The following ITGB7 variants were observed in gnomAD, a reference collection of about 807,000 sequenced individuals.
ITGB7 encodes integrin beta-7.
A neutral mutation model predicts 83.4 loss-of-function variants in ITGB7; 55 were observed. That is an observed-to-expected ratio of 0.66 (90% CI 0.53 to 0.83). ITGB7 has a LOEUF of 0.83. Ranked by LOEUF, ITGB7 falls within the 40% of genes least tolerant of loss-of-function variation. The probability of loss-of-function intolerance (pLI) is 0.00; values close to 1 mark genes in which losing one functional copy is unlikely to be tolerated. For missense variants in ITGB7, 921 were observed against 1,046.7 expected (o/e 0.88, Z 1.66); for synonymous variants, 454 against 423.6 (o/e 1.07, Z -0.88).
chr12:53,195,371 C>T lies in ITGB7; in HGVS notation c.1161+3G>A. The stretch of plus-strand genomic sequence containing the variant: ...ACCATCTCCCCTTCCCCTGGCCCCT[C>T]ACATTATAAGCATCCATGATGAGCT... On this transcript the variant is annotated splice_donor_region_variant and intron_variant, in intron 9 of 15. Transcript: ENST00000267082. The T allele has an allele frequency of 6.2e-7, 1 of 1,607,866 alleles. No homozygotes were observed. Among genetic ancestry groups the T allele is most frequent in the Non-Finnish European group, 8.5e-7 (1 of 1,174,740 alleles).
At chr12:53,196,425 T>C (rs1361120065) in intron 6 of ITGB7, 154 bp downstream of exon 6, 2 of 1,153,270 alleles carry the variant, frequency 1.7e-6, no homozygotes, top group African/African-American at 1.6e-5. Flanking sequence ...CCTCAAGATA[T>C]TTTACTCCAA....
At chr12:53,200,120 T>C in intron 3 of ITGB7, 123 bp downstream of exon 3, 5 of 822,080 alleles carry the variant, frequency 6.1e-6, no homozygotes, top group Non-Finnish European at 9.8e-6. Context: ...CATGAGACTG[T>C]GGAGTGTTCC....
intron 1 of ITGB7, among the ~76,000 whole-genome samples, chr12:53,204,504 C>G (rs1262524387): frequency 6.6e-6 from 1 of 151,762 alleles, no homozygotes; most frequent in Non-Finnish European, 1.5e-5. Context: ...ACATATGGAA[C>G]ATATCCAAAC....
rs80201470 is a variant in ITGB7 at position 53,191,494 on chromosome 12, T to C, written c.*62A>G. On this transcript the variant is annotated 3_prime_UTR_variant, in exon 16 of 16. Transcript: ENST00000267082. ...AGGTCTTACAGACCCACCCTTCCTC[T>C]CACCCTCCAGTTCCCACTGTCCTCC... 5.7e-3 allele frequency: 7,604 copies of C among 1,343,732 alleles called. 333 individuals are homozygous for C. The African/African-American group carries it at 0.095, about 17-fold the overall frequency. 83.2% of individuals were successfully genotyped at this position (1,343,732 alleles called of 1,614,324 possible).
At chr12:53,194,059 G>A in intron 10 of ITGB7, 139 bp downstream of exon 10, 2 of 1,379,226 alleles carry the variant, frequency 1.5e-6, no homozygotes, top group Non-Finnish European at 1.0e-6. Flanking sequence ...CACTCAGACT[G>A]CTCCAGGAAG....
rs776733200 is a variant in ITGB7 at position 53,196,685 on chromosome 12, C to G, written c.710G>C (p.Gly237Ala). 4 of 1,611,972 alleles carry G rather than the reference C, an allele frequency of 2.5e-6. No homozygotes were observed. Among genetic ancestry groups the G allele is most frequent in the African/African-American group, 1.3e-5 (1 of 74,886 alleles). The change falls in exon 6 of 16, where the codon GGG becomes GCG. Residue 237 changes from glycine (G) to alanine (A), a missense_variant. Physicochemically the swap from Gly to Ala is moderately conservative, Grantham distance 60. Coordinates refer to ENST00000267082, the MANE Select transcript of ITGB7 (RefSeq NM_000889.3). ...CTCCCGCTCGAAGGCTTGTGCGTCCCCCGTCAGGGACAGCACATGGTGAAA... is the reference window on the plus strand; with the variant it reads ...CTCCCGCTCGAAGGCTTGTGCGTCCGCCGTCAGGGACAGCACATGGTGAAA... Reference protein sequence around the residue: ...FSFHHVLSLTGDAQAFEREVG... With the variant: ...FSFHHVLSLTADAQAFEREVG...
chr12:53,200,478 T>C, intron 2 of ITGB7, 32 bp from the exon 3 acceptor site: 1 of 1,592,580 alleles, frequency 6.3e-7, no homozygotes, highest in Non-Finnish European at 8.6e-7. Context: ...GACATGTGGG[T>C]CCTCAGGGAG....
intron 5 of ITGB7, 94 bp downstream of exon 5, chr12:53,197,399 G>T: frequency 1.4e-6 from 2 of 1,460,332 alleles, no homozygotes; most frequent in Non-Finnish European, 1.9e-6. Flanking sequence ...GGGAGGGCAA[G>T]TTGGGGCCCT....
At chr12:53,204,906 C>A (rs1942398706) in intron 1 of ITGB7, among the ~76,000 whole-genome samples, 1 of 145,082 alleles carries the variant, frequency 6.9e-6, no homozygotes, top group South Asian at 2.2e-4. Flanking sequence ...TGATGTACAA[C>A]CTCTGCCTCC....
chr12:53,194,537 C>T, intron 9 of ITGB7, 193 bp from the exon 10 acceptor site: 1 of 564,230 alleles, frequency 1.8e-6, no homozygotes, highest in Non-Finnish European at 3.2e-6. Flanking sequence ...ATACAGGATC[C>T]AGAGGCCTCT....
At chr12:53,196,439 A>G (rs1330742955) in intron 6 of ITGB7, 140 bp downstream of exon 6, 6 of 1,237,822 alleles carry the variant, frequency 4.8e-6, no homozygotes, top group African/African-American at 4.6e-5. Context: ...ACTCCAACCC[A>G]CCAGGTAATT....
rs372959538 is a variant in ITGB7 at position 53,197,468 on chromosome 12, G to A, written c.574+25C>T. The A allele has an allele frequency of 3.1e-5, 50 of 1,613,722 alleles. No individual in the cohort carries two copies. The South Asian group carries it at 3.4e-4, about 11-fold the overall frequency. ...GTGGTTGAATAGGCAAGGGCTAACA[G>A]GGCGGGAGGCAGCGCTCGGCTCACC... On this transcript the variant is annotated intron_variant, in intron 5 of 15. Coordinates refer to ENST00000267082, the MANE Select transcript of ITGB7 (RefSeq NM_000889.3).
intron 15 of ITGB7, 65 bp downstream of exon 15, chr12:53,191,794 G>T: frequency 6.3e-7 from 1 of 1,599,144 alleles, no homozygotes; most frequent in Non-Finnish European, 8.6e-7. Context: ...CCAGTGGGAG[G>T]AATCAGGGCT....
Position 53,195,479 on chromosome 12 carries a change from T to C in ITGB7, c.1072-16A>G. ...TACTCAGCTCCTGAGTTTTGGGGAG[T>C]TAAGGGAAATGGTGGGTCACAGCTC... On this transcript the variant is annotated splice_polypyrimidine_tract_variant and intron_variant, in intron 8 of 15. Transcript: ENST00000267082. 1 of 1,605,904 alleles carries C rather than the reference T, an allele frequency of 6.2e-7. No individual in the cohort carries two copies. The highest frequency in any genetic ancestry group is 1.3e-5 in the African/African-American group (1 of 74,536).
chr12:53,192,882 A>G lies in ITGB7; in HGVS notation c.1755T>C (p.Cys585=). ...TGCCCGTGCGGTTGGCATGACAGTG[A>G]CATACTCCACATTGGCAGCGACCAA... The part of the protein sequence containing the change: ...GGFGRCQCGV[C]HCHANRTGRA... Residue 585 remains cysteine (C), a synonymous_variant, in exon 13 of 16, where the codon TGT becomes TGC. Transcript: ENST00000267082. 1 of 1,614,160 alleles carries G rather than the reference A, an allele frequency of 6.2e-7. No homozygotes were observed. The highest frequency in any genetic ancestry group is 1.3e-5 in the African/African-American group (1 of 75,060).
chr12:53,194,424 C>T, intron 9 of ITGB7, 80 bp from the exon 10 acceptor site: 1 of 1,429,142 alleles, frequency 7.0e-7, no homozygotes, highest in Non-Finnish European at 9.6e-7. Flanking sequence ...TCCAGGTGTT[C>T]CCAATTCTGC....
intron 14 of ITGB7, 23 bp from the exon 15 acceptor site, chr12:53,192,042 A>G (rs1224312086): frequency 4.4e-6 from 7 of 1,606,712 alleles, no homozygotes. Context: ...AACCAGACAC[A>G]CTTGTGGGAG....
rs1942174313 is a variant in ITGB7 at position 53,196,703 on chromosome 12, T to C, written c.692A>G (p.His231Arg). The C allele has an allele frequency of 6.2e-7, 1 of 1,612,652 alleles. No homozygotes were observed. Among genetic ancestry groups the C allele is most frequent in the African/African-American group, 1.3e-5 (1 of 74,892 alleles). The part of the protein sequence containing the change: ...ERCQSPFSFH[H>R]VLSLTGDAQA... Reference sequence around the variant, plus strand: ...TGCGTCCCCCGTCAGGGACAGCACATGGTGAAAGCTGAATGGTGACTGGCA... The same window carrying C: ...TGCGTCCCCCGTCAGGGACAGCACACGGTGAAAGCTGAATGGTGACTGGCA... Residue 231 changes from histidine to arginine, a missense_variant, in exon 6 of 16, where the codon CAT (histidine) becomes CGT (arginine). His to Arg is a conservative substitution (Grantham distance 29, BLOSUM62 0). Coordinates refer to ENST00000267082, the MANE Select transcript of ITGB7 (RefSeq NM_000889.3).
Position 53,191,622 on chromosome 12 carries a change from G to A in ITGB7, c.2331C>T (p.Leu777=). The A allele has an allele frequency of 1.2e-6, 2 of 1,613,464 alleles. No individual in the cohort carries two copies. Among genetic ancestry groups the A allele is most frequent in the African/African-American group, 2.7e-5 (2 of 74,994 alleles). ...QLNWKQDSNP[L]YKSAITTTIN... ...TGGTGGTCGTGATGGCACTTTTGTAGAGAGGATTACTGTCCTGGAGAAAGA... is the reference window on the plus strand; with the variant it reads ...TGGTGGTCGTGATGGCACTTTTGTAAAGAGGATTACTGTCCTGGAGAAAGA... Residue 777 remains leucine, a synonymous_variant, in exon 16 of 16, where the codon CTC becomes CTT. Transcript: ENST00000267082.
Sources: allele counts gnomAD v4.1 joint callset (sites outside exome capture counted in the v4.1 genomes callset), GRCh38; gene constraint gnomAD v4.1.1; transcripts MANE v1.5; gene names NCBI Gene and HGNC (gene_info 2026-07-23, HGNC 2026-07-21).